The following LRP1B variants were observed in gnomAD, a reference collection of about 807,000 sequenced individuals.
The protein encoded by LRP1B is LDL receptor related protein 1B.
LRP1B carries 217 observed loss-of-function variants against 556.6 expected under a neutral mutation model. The ratio of observed to expected loss-of-function variants is 0.39; its 90% CI spans 0.35 to 0.44. The LOEUF is 0.44. Among genes scored for constraint, LRP1B ranks in the 20% least tolerant of loss-of-function variants. The pLI is 1.00. For synonymous variants in LRP1B, 2,047 were observed against 1,865.8 expected (o/e 1.10, Z -2.50); for missense variants, 5,053 against 5,620.8 (o/e 0.90, Z 3.23).
intron 2 of LRP1B, among the ~76,000 whole-genome samples, chr2:141,693,435 A>T (rs1238087653): frequency 6.6e-6 from 1 of 152,072 alleles, no homozygotes; most frequent in Non-Finnish European, 1.5e-5. Flanking sequence ...AGTTAATGTT[A>T]TGCATTATAA....
intron 35 of LRP1B, among the ~76,000 whole-genome samples, chr2:140,757,816 G>T (rs570840981): frequency 5.3e-5 from 8 of 152,142 alleles, no homozygotes; most frequent in Non-Finnish European, 1.0e-4. Context: ...GGGAGGCGGA[G>T]GTTGCAGTGA....
chr2:140,320,904 A>C (rs563031136), intron 82 of LRP1B, among the ~76,000 whole-genome samples: 13 of 151,258 alleles, frequency 8.6e-5, no homozygotes, highest in African/African-American at 2.9e-4. Context: ...CACACACACA[A>C]AATTATCCAG....
intron 82 of LRP1B, among the ~76,000 whole-genome samples, chr2:140,315,807 A>G (rs17477150): frequency 0.02 from 3,100 of 152,286 alleles, 36 homozygotes; most frequent in African/African-American, 0.028. Context: ...GAATATACAT[A>G]GTATAGAGAA....
chr2:141,375,756 T>C (rs1447298170), intron 3 of LRP1B, among the ~76,000 whole-genome samples: 2 of 152,140 alleles, frequency 1.3e-5, no homozygotes, highest in Non-Finnish European at 2.9e-5. Flanking sequence ...GCAAACAGCA[T>C]AGGCAAGAAG....
intron 23 of LRP1B, 117 bp downstream of exon 23, chr2:140,902,803 A>G: frequency 9.3e-7 from 1 of 1,080,316 alleles, no homozygotes; most frequent in Admixed American, 2.5e-5. Flanking sequence ...CATTATAGTT[A>G]AATGCTTTAT....
intron 30 of LRP1B, 95 bp downstream of exon 30, chr2:140,840,823 T>TA (rs1482616528): frequency 5.2e-5 from 47 of 911,852 alleles, no homozygotes; most frequent in Non-Finnish European, 6.5e-5. Flanking sequence ...GGCTGTTATA[T>TA]ATATATCCTC....
At chr2:141,853,559 C>G (rs895848308) in intron 1 of LRP1B, among the ~76,000 whole-genome samples, 6 of 151,642 alleles carry the variant, frequency 4.0e-5, no homozygotes, top group African/African-American at 1.5e-4. Context: ...AAAACAAAAA[C>G]TCTTTAAAGC....
At chr2:141,355,322 A>C (rs376950611) in intron 3 of LRP1B, among the ~76,000 whole-genome samples, 2 of 152,186 alleles carry the variant, frequency 1.3e-5, no homozygotes, top group East Asian at 3.9e-4. Context: ...TAATTCACAT[A>C]CCTTAATATC....
At chr2:140,838,302 T>C (rs983288050) in intron 31 of LRP1B, among the ~76,000 whole-genome samples, 1 of 152,220 alleles carries the variant, frequency 6.6e-6, no homozygotes, top group African/African-American at 2.4e-5. Flanking sequence ...AAGTCCTTTG[T>C]ATGGGTCCTA....
At chr2:141,724,875 T>G (rs369525524) in intron 2 of LRP1B, among the ~76,000 whole-genome samples, 3 of 151,996 alleles carry the variant, frequency 2.0e-5, no homozygotes, top group Non-Finnish European at 4.4e-5. Flanking sequence ...TTATTTTCAA[T>G]TAAAATTACA....
chr2:141,056,374 T>C (rs529515497), intron 9 of LRP1B, among the ~76,000 whole-genome samples: 11 of 151,962 alleles, frequency 7.2e-5, no homozygotes, highest in African/African-American at 2.4e-4. Flanking sequence ...ATCAAAAATC[T>C]TTTAACCCAA....
At chr2:141,471,118 G>A (rs1379507073) in intron 3 of LRP1B, among the ~76,000 whole-genome samples, 1 of 151,998 alleles carries the variant, frequency 6.6e-6, no homozygotes, top group African/African-American at 2.4e-5. Context: ...TTATCTCCAA[G>A]TTTTATAATT....
intron 2 of LRP1B, among the ~76,000 whole-genome samples, chr2:141,683,070 C>T (rs1691161700): frequency 6.6e-6 from 1 of 152,128 alleles, no homozygotes; most frequent in South Asian, 2.1e-4. Context: ...AATGTCTCTT[C>T]TGGAGCCTCC....
Position 140,324,023 on chromosome 2 carries a change from T to TATATAATCTTC in LRP1B, c.12373_12383dup (p.Ile4128MetfsTer25). 1 of 1,610,482 alleles carries TATATAATCTTC rather than the reference T, an allele frequency of 6.2e-7. No homozygotes were observed. Among genetic ancestry groups the TATATAATCTTC allele is most frequent in the Non-Finnish European group, 8.5e-7 (1 of 1,177,344 alleles). On this transcript the variant is annotated frameshift_variant, in exon 81 of 91. Coordinates refer to ENST00000389484, the MANE Select transcript of LRP1B (RefSeq NM_018557.3). LOFTEE classifies it high-confidence loss of function. ...CACCATTTTTAGGTCCTGCTCCATA[T>TATATAATCTTC]ATATAATCTTCAAAGATATCGATCC...
At chr2:141,805,176 G>A (rs1174763483) in intron 2 of LRP1B, among the ~76,000 whole-genome samples, 3 of 152,036 alleles carry the variant, frequency 2.0e-5, no homozygotes, top group Non-Finnish European at 4.4e-5. Flanking sequence ...AGGCTCAACT[G>A]GCATTTGCCT....
chr2:140,952,521 CA>C (rs771527069), intron 18 of LRP1B, among the ~76,000 whole-genome samples: 3 of 147,396 alleles, frequency 2.0e-5, no homozygotes, highest in South Asian at 2.1e-4. Flanking sequence ...ACAACAACAA[CA>C]AAAAAAACAA....
chr2:141,233,520 G>A (rs534818536), intron 5 of LRP1B, among the ~76,000 whole-genome samples: 12 of 152,094 alleles, frequency 7.9e-5, no homozygotes, highest in Non-Finnish European at 1.6e-4. Context: ...GAATTGAAAA[G>A]AGAAACTTGG....
At chr2:142,059,218 T>C (rs62158862) in intron 1 of LRP1B, among the ~76,000 whole-genome samples, 2,755 of 152,210 alleles carry the variant, frequency 0.018, 44 homozygotes, top group South Asian at 0.033. Flanking sequence ...TGAAAGTAGA[T>C]TGTGGGAATG....
At chr2:141,613,368 A>T (rs1275046421) in intron 2 of LRP1B, among the ~76,000 whole-genome samples, 1 of 152,150 alleles carries the variant, frequency 6.6e-6, no homozygotes, top group Non-Finnish European at 1.5e-5. Context: ...CCGTTTATTT[A>T]AAAAATCCGT....
Sources: gnomAD v4.1 joint callset for allele counts (sites outside exome capture counted in the v4.1 genomes callset) on GRCh38, gnomAD v4.1.1 for gene constraint, MANE v1.5 for transcripts, NCBI Gene and HGNC (gene_info 2026-07-23, HGNC 2026-07-21) for gene names.